CACNA1C: variants seen among roughly 807,000 people sequenced by gnomAD.
CACNA1C encodes calcium voltage-gated channel subunit alpha1 C.
CACNA1C carries 30 observed loss-of-function variants against 229.0 expected under a neutral mutation model. The ratio of observed to expected loss-of-function variants is 0.13; its 90% CI spans 0.10 to 0.18. CACNA1C has a LOEUF of 0.18. Ranked by LOEUF, CACNA1C falls within the 10% of genes least tolerant of loss-of-function variation. The pLI is 1.00. For missense variants in CACNA1C, 1,658 were observed against 2,845.0 expected, an observed-to-expected ratio of 0.58 and a Z score of 9.49; for synonymous variants, 1,114 against 1,132.5, an observed-to-expected ratio of 0.98 and a Z score of 0.33.
intron 3 of CACNA1C, among the ~76,000 whole-genome samples, chr12:2,224,548 C>T (rs2062391636): frequency 1.3e-5 from 2 of 152,170 alleles, no homozygotes; most frequent in African/African-American, 4.8e-5. Context: ...AGCTGCATTG[C>T]ATGTTAGTAG....
rs77498107 is a variant in CACNA1C at position 2,512,346 on chromosome 12, C to T, written c.1218-466C>T. Among the ~76,000 whole-genome samples the T allele has an allele frequency of 1.7e-4, 26 of 152,168 alleles. No individual in the cohort carries two copies. In the East Asian group the frequency reaches 2.7e-3, roughly 16 times the overall value. On this transcript the variant is annotated intron_variant, in intron 8 of 46. Transcript: ENST00000399655. The surrounding 1 kb of genome is among the most constrained non-coding windows in gnomAD (Gnocchi z 4.3). ...GAGTGAGTGGGCTTTGGTACACTGC[C>T]GGTCCTAAAACCTTGTGTCACCTGG...
At chr12:2,283,429 C>G (rs1430669417) in intron 3 of CACNA1C, among the ~76,000 whole-genome samples, 2 of 152,148 alleles carry the variant, frequency 1.3e-5, no homozygotes, top group Non-Finnish European at 2.9e-5. Context: ...AAATTAGAGC[C>G]TTCACCTCCA....
Position 2,692,023 on chromosome 12 carries a change from T to C in CACNA1C, c.*824T>C, listed in dbSNP as rs1206997378. 1 of 152,248 alleles carries C rather than the reference T, an allele frequency of 6.6e-6. No homozygotes were observed. The highest frequency in any genetic ancestry group is 1.9e-4 in the East Asian group (1 of 5,202). 9.4% of individuals were successfully genotyped at this position (152,248 alleles called of 1,614,324 possible). On this transcript the variant is annotated 3_prime_UTR_variant, in exon 47 of 47. Coordinates refer to ENST00000399655, the MANE Select transcript of CACNA1C (RefSeq NM_000719.7). ...GGGAGGAAGAAGAGTGTTTACAAAG[T>C]CCTGTAGCCCCCTCACCTTTCTGTT...
chr12:2,485,774 AG>A (rs2099695147), intron 5 of CACNA1C, among the ~76,000 whole-genome samples: 1 of 152,186 alleles, frequency 6.6e-6, no homozygotes. Context: ...ATGCTGCTCT[AG>A]GAGAAAAAGA....
chr12:2,640,768 T>G (rs1426499239), intron 30 of CACNA1C, among the ~76,000 whole-genome samples: 1 of 152,146 alleles, frequency 6.6e-6, no homozygotes, highest in Admixed American at 6.5e-5. Context: ...TTCCTATAAC[T>G]GTCACTCACT....
At chr12:2,530,151 A>G (rs924336942) in intron 9 of CACNA1C, among the ~76,000 whole-genome samples, 6 of 152,254 alleles carry the variant, frequency 3.9e-5, no homozygotes, top group Non-Finnish European at 8.8e-5. Flanking sequence ...AACAGCATCT[A>G]ATTTGTAAAT....
At chr12:2,571,469 A>G (rs1444460950) in intron 13 of CACNA1C, among the ~76,000 whole-genome samples, 4 of 152,202 alleles carry the variant, frequency 2.6e-5, no homozygotes, top group East Asian at 3.8e-4. Context: ...GCTTTTATGT[A>G]TATATTTCTA....
chr12:2,187,406 G>C (rs1021303776), intron 3 of CACNA1C, among the ~76,000 whole-genome samples: 1 of 152,196 alleles, frequency 6.6e-6, no homozygotes, highest in East Asian at 1.9e-4. Flanking sequence ...GAAATGATTT[G>C]CATGAGGAAC....
chr12:2,059,344 T>G lies in CACNA1C; in HGVS notation c.49+5733T>G, dbSNP rs577318298. On this transcript the variant is annotated intron_variant, in intron 1 of 46. Transcript: ENST00000399655. ...TTGTGGAGCTGAACTGAATTTAAGT[T>G]GGGATTGTAGGGACTGTAGGAGAGA... Among the ~76,000 whole-genome samples the G allele has an allele frequency of 4.0e-5, 6 of 151,854 alleles. No individual in the cohort carries two copies. In the South Asian group the frequency reaches 1.0e-3, roughly 26 times the overall value.
intron 7 of CACNA1C, among the ~76,000 whole-genome samples, chr12:2,499,804 A>AT (rs573591667): frequency 0.012 from 1,710 of 147,954 alleles, 11 homozygotes; most frequent in Non-Finnish European, 0.017. Flanking sequence ...AATCTGGGTC[A>AT]TTTTTTTTTT....
chr12:2,638,053 G>A (rs1433796557), intron 30 of CACNA1C, among the ~76,000 whole-genome samples: 1 of 152,156 alleles, frequency 6.6e-6, no homozygotes, highest in Non-Finnish European at 1.5e-5. Context: ...CACCGTTTGA[G>A]GCACCTGGGA....
intron 1 of CACNA1C, among the ~76,000 whole-genome samples, chr12:2,066,446 G>A (rs11062100): frequency 0.034 from 5,213 of 152,164 alleles, 208 homozygotes; most frequent in African/African-American, 0.095. Context: ...GATCAAGGCA[G>A]GAGAGCATTT....
At chr12:2,667,306 C>A (rs1362849241) in intron 37 of CACNA1C, among the ~76,000 whole-genome samples, 1 of 151,912 alleles carries the variant, frequency 6.6e-6, no homozygotes, top group Non-Finnish European at 1.5e-5. Flanking sequence ...TCCCTCCTCT[C>A]CACCGTGGCC....
At position 2,354,785 on chromosome 12, in the gene CACNA1C, C is replaced by T. The variant is rs778525735; in HGVS notation, c.478-94191C>T. Among the ~76,000 whole-genome samples, 18 of 152,218 alleles carry T rather than the reference C, an allele frequency of 1.2e-4. No homozygotes were observed. The highest frequency in any genetic ancestry group is 2.1e-4 in the Non-Finnish European group (14 of 68,040). Reference sequence around the variant, plus strand: ...CCAGACACGGCAAGACTGGCCTTGACTTCTGGTTCCATTCTCGTTTCCCTG... The same window carrying T: ...CCAGACACGGCAAGACTGGCCTTGATTTCTGGTTCCATTCTCGTTTCCCTG... On this transcript the variant is annotated intron_variant, in intron 3 of 46. Coordinates refer to ENST00000399655, the MANE Select transcript of CACNA1C (RefSeq NM_000719.7). The surrounding 1 kb of genome is among the most constrained non-coding windows in gnomAD (Gnocchi z 4.6).
chr12:2,400,373 A>G (rs943312533), intron 3 of CACNA1C, among the ~76,000 whole-genome samples: 43 of 152,174 alleles, frequency 2.8e-4, no homozygotes, highest in African/African-American at 9.6e-4. Flanking sequence ...CCTACGGGGC[A>G]GGGGCTTATG....
At chr12:2,144,464 T>A (rs2094537609) in intron 3 of CACNA1C, among the ~76,000 whole-genome samples, 1 of 151,428 alleles carries the variant, frequency 6.6e-6, no homozygotes, top group South Asian at 2.1e-4. Flanking sequence ...ATCGAGCACC[T>A]ATCATGTATG....
At chr12:2,035,572 G>T (rs1434038939) in intron 1 of CACNA1C, among the ~76,000 whole-genome samples, 1 of 152,218 alleles carries the variant, frequency 6.6e-6, no homozygotes, top group Non-Finnish European at 1.5e-5. Flanking sequence ...ACAGAGCCCT[G>T]TGGGCCTCCC....
At chr12:2,563,164 A>G (rs2048391451) in intron 11 of CACNA1C, among the ~76,000 whole-genome samples, 1 of 152,206 alleles carries the variant, frequency 6.6e-6, no homozygotes, top group African/African-American at 2.4e-5. Context: ...ATTTCACTTA[A>G]TATAATGGCC....
chr12:2,020,095 A>G (rs1472387241), intron 1 of CACNA1C: 2 of 152,134 alleles, frequency 1.3e-5, no homozygotes. Context: ...AAGTGCACAC[A>G]CACACTTCTC....
Sources: allele counts gnomAD v4.1 joint callset (sites outside exome capture counted in the v4.1 genomes callset), GRCh38; gene constraint gnomAD v4.1.1; non-coding constraint Gnocchi (gnomAD v3.1); transcripts MANE v1.5; gene names NCBI Gene and HGNC (gene_info 2026-07-23, HGNC 2026-07-21).